PDE4B: variants seen among roughly 807,000 people sequenced by gnomAD.
The protein encoded by PDE4B is 3',5'-cyclic-AMP phosphodiesterase 4B.
Under a neutral mutation model 82.2 loss-of-function variants are expected in PDE4B, and 20 were observed. That is an observed-to-expected ratio of 0.24 (90% CI 0.17 to 0.35). The LOEUF (loss-of-function observed/expected upper bound fraction) is 0.35. Among genes scored for constraint, PDE4B ranks in the 10% least tolerant of loss-of-function variants. The pLI is 1.00. For missense variants in PDE4B, 655 were observed against 907.2 expected (o/e 0.72, Z 3.57); for synonymous variants, 320 against 318.9 (o/e 1.00, Z -0.04).
At chr1:65,957,163 T>C (rs1649303691) in intron 3 of PDE4B, among the ~76,000 whole-genome samples, 1 of 152,086 alleles carries the variant, frequency 6.6e-6, no homozygotes, top group South Asian at 2.1e-4. Flanking sequence ...TTTTACCCTC[T>C]TTCTGGTGCT....
At chr1:65,904,345 A>G (rs1221106732) in intron 1 of PDE4B, among the ~76,000 whole-genome samples, 2 of 152,196 alleles carry the variant, frequency 1.3e-5, no homozygotes, top group African/African-American at 4.8e-5. Flanking sequence ...AAGAAAAAAT[A>G]CTTGGTGAAT....
intron 6 of PDE4B, among the ~76,000 whole-genome samples, chr1:66,262,232 T>C (rs987226662): frequency 6.6e-6 from 1 of 152,232 alleles, no homozygotes; most frequent in Non-Finnish European, 1.5e-5. Context: ...CGTTCAGAGC[T>C]GGAATGAACC....
chr1:65,838,185 C>T (rs902104163), intron 1 of PDE4B, among the ~76,000 whole-genome samples: 1 of 151,928 alleles, frequency 6.6e-6, no homozygotes, highest in Non-Finnish European at 1.5e-5. Flanking sequence ...TCCGCATGTA[C>T]TTTTTATTTA....
chr1:66,267,488 G>A (rs1433898113), intron 7 of PDE4B: 3 of 152,092 alleles, frequency 2.0e-5, no homozygotes, highest in South Asian at 2.1e-4. Context: ...TCTTTTTCTT[G>A]TAATAAATAC....
rs150248122 is a variant in PDE4B, at chr1:65,963,676, C to A, written c.281+44841C>A. On this transcript the variant is annotated intron_variant, in intron 3 of 16. Transcript: ENST00000341517. The stretch of plus-strand genomic sequence containing the variant: ...GTTATGGGATGCTCTGACTCTTTAG[C>A]CACATGGGTGCTAACTGCTTGATCA... 3.1e-4 allele frequency among the ~76,000 whole-genome samples: 47 copies of A among 152,306 alleles called. 1 individual carries two copies. The highest frequency in any genetic ancestry group is 1.1e-3 in the African/African-American group (44 of 41,580).
At chr1:66,343,357 A>G (rs149277139) in intron 8 of PDE4B, among the ~76,000 whole-genome samples, 1 of 152,190 alleles carries the variant, frequency 6.6e-6, no homozygotes, top group Non-Finnish European at 1.5e-5. Context: ...TGACTAGAAA[A>G]CTTCCCCTTG....
At chr1:66,110,058 C>G (rs374605967) in intron 3 of PDE4B, among the ~76,000 whole-genome samples, 1 of 151,820 alleles carries the variant, frequency 6.6e-6, no homozygotes. Context: ...TATAAATTTC[C>G]AACACTGCAG....
At chr1:66,075,380 T>A (rs1656367203) in intron 3 of PDE4B, among the ~76,000 whole-genome samples, 1 of 150,934 alleles carries the variant, frequency 6.6e-6, no homozygotes. Flanking sequence ...TGCTGGGTCA[T>A]ATGGTAATTC....
chr1:66,150,653 A>G (rs949043017), intron 3 of PDE4B, among the ~76,000 whole-genome samples: 3 of 152,224 alleles, frequency 2.0e-5, no homozygotes, highest in South Asian at 2.1e-4. Flanking sequence ...ACTGTTAAAT[A>G]TGATAGTGGC....
intron 3 of PDE4B, among the ~76,000 whole-genome samples, chr1:65,980,695 T>A (rs1344171759): frequency 5.9e-5 from 9 of 152,140 alleles, no homozygotes; most frequent in Non-Finnish European, 1.3e-4. Context: ...TAAATCCCAA[T>A]ATGTGTCAGG....
chr1:66,335,316 A>G (rs1660436185), intron 8 of PDE4B, among the ~76,000 whole-genome samples: 2 of 152,228 alleles, frequency 1.3e-5, no homozygotes, highest in African/African-American at 4.8e-5. Context: ...GATCTTAAGA[A>G]CAGCGATAGG....
chr1:66,141,401 T>A (rs997870948), intron 3 of PDE4B, among the ~76,000 whole-genome samples: 6 of 141,418 alleles, frequency 4.2e-5, no homozygotes, highest in African/African-American at 1.6e-4. Context: ...GCAGAAAGAA[T>A]TGAGCAAAGT....
intron 3 of PDE4B, among the ~76,000 whole-genome samples, chr1:66,106,671 G>A (rs1310324611): frequency 6.6e-6 from 1 of 152,082 alleles, no homozygotes; most frequent in East Asian, 1.9e-4. Flanking sequence ...TCTTGGGAGG[G>A]CGTATGTGTT....
At chr1:65,854,281 A>G (rs114744672) in intron 1 of PDE4B, among the ~76,000 whole-genome samples, 2,407 of 151,716 alleles carry the variant, frequency 0.016, 53 homozygotes, top group African/African-American at 0.056. Context: ...TGTTTTAAAG[A>G]AATTAAAAAT....
chr1:66,297,357 A>G (rs551407392), intron 7 of PDE4B, among the ~76,000 whole-genome samples: 3 of 152,284 alleles, frequency 2.0e-5, no homozygotes, highest in Admixed American at 2.0e-4. Flanking sequence ...TTATTGTGCT[A>G]CAACGAAGGT....
chr1:65,840,852 T>A (rs562929662), intron 1 of PDE4B, among the ~76,000 whole-genome samples: 1 of 152,368 alleles, frequency 6.6e-6, no homozygotes, highest in East Asian at 1.9e-4. Context: ...GAATCAAATG[T>A]TTGTTGTTAG....
chr1:65,896,158 G>T (rs1646908562), intron 1 of PDE4B, among the ~76,000 whole-genome samples: 1 of 151,980 alleles, frequency 6.6e-6, no homozygotes, highest in African/African-American at 2.4e-5. Context: ...ACATACCTGA[G>T]ACTGGATAAT....
intron 1 of PDE4B, among the ~76,000 whole-genome samples, chr1:65,798,166 T>C (rs1645652426): frequency 6.6e-6 from 1 of 151,274 alleles, no homozygotes; most frequent in Non-Finnish European, 1.5e-5. Context: ...TACAGGTGTG[T>C]AACACCATAC....
At chr1:66,127,708 C>A (rs549117974) in intron 3 of PDE4B, among the ~76,000 whole-genome samples, 2 of 152,028 alleles carry the variant, frequency 1.3e-5, no homozygotes, top group Non-Finnish European at 2.9e-5. Flanking sequence ...TAGGGCTATA[C>A]GGCCCGTCAT....
Sources: gnomAD v4.1 joint callset for allele counts (sites outside exome capture counted in the v4.1 genomes callset) on GRCh38, gnomAD v4.1.1 for gene constraint, MANE v1.5 for transcripts, NCBI Gene and HGNC (gene_info 2026-07-23, HGNC 2026-07-21) for gene names.